Variants in AFAP1 observed in about 807,000 individuals in gnomAD.
AFAP1 encodes the protein actin filament-associated protein 1.
A neutral mutation model predicts 93.9 loss-of-function variants in AFAP1; 75 were observed. The ratio of observed to expected loss-of-function variants is 0.80; its 90% CI spans 0.66 to 0.97. The LOEUF (loss-of-function observed/expected upper bound fraction) is 0.97. Among genes scored for constraint, AFAP1 ranks in the 50% least tolerant of loss-of-function variants. The pLI, the probability that AFAP1 is intolerant of heterozygous loss-of-function variation, is 0.00. For missense variants in AFAP1, 1,201 were observed against 1,050.8 expected (o/e 1.14, Z -1.98); for synonymous variants, 517 against 430.7 (o/e 1.20, Z -2.48).
chr4:7,821,247 A>G lies in AFAP1; in HGVS notation c.727-2076T>C, dbSNP rs186090511. On this transcript the variant is annotated intron_variant, in intron 6 of 17. Coordinates refer to ENST00000420658, the MANE Select transcript of AFAP1 (RefSeq NM_001134647.2). ...TGAAGATTACCTGTCTTGCAGGACT[A>G]TGGTTAAACTGAGACAGTGAGATCC... 4.6e-5 allele frequency among the ~76,000 whole-genome samples: 7 copies of G among 152,338 alleles called. No individual in the cohort carries two copies. The South Asian group carries it at 6.2e-4, about 14-fold the overall frequency.
chr4:7,808,328 G>A lies in AFAP1; in HGVS notation c.1054+1286C>T, dbSNP rs569422251. ...CCACCCCACAATGCTGGATCCCCCC[G>A]GCCCACTGAGGTTCCTATGATCCTC... On this transcript the variant is annotated intron_variant, in intron 9 of 17. Transcript: ENST00000420658. Among the ~76,000 whole-genome samples, 22 of 152,154 alleles carry A rather than the reference G, an allele frequency of 1.4e-4. 1 individual carries two copies. The South Asian group carries it at 4.4e-3, about 30-fold the overall frequency.
intron 11 of AFAP1, 61 bp downstream of exon 11, chr4:7,793,620 T>G: frequency 7.1e-7 from 1 of 1,401,538 alleles, no homozygotes; most frequent in South Asian, 1.9e-5. Flanking sequence ...TAAGTTAAGC[T>G]AAGTTAGGGA....
At chr4:7,871,805 T>A in intron 2 of AFAP1, 147 bp downstream of exon 2, 1 of 1,158,360 alleles carries the variant, frequency 8.6e-7, no homozygotes, top group Non-Finnish European at 1.2e-6. Context: ...TTGGCACAAG[T>A]GTAAACCCTC....
chr4:7,811,733 A>G (rs1213598999), intron 8 of AFAP1, among the ~76,000 whole-genome samples: 1 of 152,152 alleles, frequency 6.6e-6, no homozygotes, highest in South Asian at 2.1e-4. Flanking sequence ...AGCCCTCGCT[A>G]GACACCAACC....
intron 6 of AFAP1, among the ~76,000 whole-genome samples, chr4:7,828,572 G>A (rs746119418): frequency 3.9e-5 from 6 of 152,166 alleles, no homozygotes; most frequent in Non-Finnish European, 8.8e-5. Context: ...AGGCGTATGC[G>A]GAGCCTAATG....
chr4:7,791,049 C>G (rs1717817772), intron 11 of AFAP1, among the ~76,000 whole-genome samples: 1 of 152,212 alleles, frequency 6.6e-6, no homozygotes, highest in Non-Finnish European at 1.5e-5. Flanking sequence ...TATCCATTCA[C>G]CATTCAAGAC....
chr4:7,814,866 C>G (rs1249150539), intron 8 of AFAP1, among the ~76,000 whole-genome samples: 1 of 152,116 alleles, frequency 6.6e-6, no homozygotes, highest in African/African-American at 2.4e-5. Flanking sequence ...AACTCACCAA[C>G]AGTATGGCAA....
At chr4:7,906,046 C>T (rs1451607665) in intron 1 of AFAP1, among the ~76,000 whole-genome samples, 3 of 152,188 alleles carry the variant, frequency 2.0e-5, no homozygotes, top group African/African-American at 7.2e-5. Flanking sequence ...TACCTCAATG[C>T]TCCAAAATGA....
intron 17 of AFAP1, among the ~76,000 whole-genome samples, chr4:7,767,384 T>C (rs995399156): frequency 6.6e-6 from 1 of 152,186 alleles, no homozygotes; most frequent in Non-Finnish European, 1.5e-5. Context: ...ATTTCTTTGA[T>C]GATAAAGAAA....
At chr4:7,767,671 T>G (rs1055473704) in intron 17 of AFAP1, among the ~76,000 whole-genome samples, 3 of 152,106 alleles carry the variant, frequency 2.0e-5, no homozygotes, top group Non-Finnish European at 2.9e-5. Context: ...GACAACCATG[T>G]TTCTCAGGGG....
chr4:7,793,266 C>T (rs372906713), intron 11 of AFAP1, among the ~76,000 whole-genome samples: 1 of 152,142 alleles, frequency 6.6e-6, no homozygotes, highest in African/African-American at 2.4e-5. Context: ...ATTTCTGCTT[C>T]GTAGAACTGT....
At chr4:7,821,473 A>G (rs917004485) in intron 6 of AFAP1, among the ~76,000 whole-genome samples, 28 of 152,208 alleles carry the variant, frequency 1.8e-4, no homozygotes, top group African/African-American at 6.5e-4. Flanking sequence ...CCCTACATGC[A>G]GTCACCACAT....
chr4:7,863,999 C>CACAACCCA (rs1716073519), intron 3 of AFAP1, among the ~76,000 whole-genome samples: 1 of 85,302 alleles, frequency 1.2e-5, no homozygotes, highest in Non-Finnish European at 3.2e-5. Flanking sequence ...ATCACAACAC[C>CACAACCCA]TTCCCAACTT....
intron 1 of AFAP1, among the ~76,000 whole-genome samples, chr4:7,904,515 T>C (rs575482898): frequency 1.3e-5 from 2 of 152,346 alleles, no homozygotes; most frequent in East Asian, 3.9e-4. Flanking sequence ...TGCCAGGCTC[T>C]GAGTTTTATC....
At chr4:7,816,964 C>G (rs962961027) in intron 7 of AFAP1, among the ~76,000 whole-genome samples, 2 of 152,234 alleles carry the variant, frequency 1.3e-5, no homozygotes, top group Non-Finnish European at 2.9e-5. Context: ...TGGCACCGCC[C>G]TGGCTCTCAC....
intron 3 of AFAP1, among the ~76,000 whole-genome samples, chr4:7,868,414 C>T (rs923178412): frequency 6.6e-6 from 1 of 152,118 alleles, no homozygotes; most frequent in Non-Finnish European, 1.5e-5. Context: ...CAAAGAAATG[C>T]TAGCTTCCTA....
chr4:7,887,817 T>G (rs1460409745), intron 1 of AFAP1, among the ~76,000 whole-genome samples: 1 of 146,064 alleles, frequency 6.8e-6, no homozygotes, highest in Non-Finnish European at 1.5e-5. Flanking sequence ...TTTGTTTTTA[T>G]TTCATAAAGA....
At position 7,819,170 on chromosome 4, in the gene AFAP1, A is replaced by C; in HGVS notation, c.728T>G (p.Val243Gly). Residue 243 changes from valine (V) to glycine (G), a missense_variant and splice_region_variant, in exon 7 of 18, where the codon GTG becomes GGG. Physicochemically the swap from Val to Gly is moderately radical, Grantham distance 109. Transcript: ENST00000420658. ...SKEQAEQWLKVIKEAYSGCSG... is the reference protein window; with the variant it reads ...SKEQAEQWLKGIKEAYSGCSG... ...ACAACCACTGTAGGCTTCTTTGATCACCTATAAAAAGCACAGACACTTTGT... is the reference window on the plus strand; with the variant it reads ...ACAACCACTGTAGGCTTCTTTGATCCCCTATAAAAAGCACAGACACTTTGT... 1 of 1,608,034 alleles carries C rather than the reference A, an allele frequency of 6.2e-7. No individual in the cohort carries two copies. The highest frequency in any genetic ancestry group is 1.1e-5 in the South Asian group (1 of 89,770).
chr4:7,881,214 T>C (rs1375592403), intron 1 of AFAP1, among the ~76,000 whole-genome samples: 1 of 151,900 alleles, frequency 6.6e-6, no homozygotes, highest in Non-Finnish European at 1.5e-5. Flanking sequence ...ACGTCCCCGC[T>C]CCCCTGTCTA....
Sources: gnomAD v4.1 joint callset for allele counts (sites outside exome capture counted in the v4.1 genomes callset) on GRCh38, gnomAD v4.1.1 for gene constraint, MANE v1.5 for transcripts, NCBI Gene and HGNC (gene_info 2026-07-23, HGNC 2026-07-21) for gene names.